The following SALL3 variants were observed in gnomAD, a reference collection of about 807,000 sequenced individuals.
The protein encoded by SALL3 is spalt like transcription factor 3.
In SALL3, 25 loss-of-function variants were observed where a neutral mutation model predicts 66.2. The observed-to-expected ratio is 0.38, with a 90% CI of 0.28 to 0.53. The LOEUF (loss-of-function observed/expected upper bound fraction) is 0.53, where lower values mean the gene tolerates loss of function less well. SALL3 is among the 20% of genes least tolerant of loss of function. SALL3 has a pLI of 0.85. For synonymous variants in SALL3, 1,152 were observed against 899.1 expected (o/e 1.28, Z -5.03); for missense variants, 2,194 against 1,916.5 (o/e 1.14, Z -2.70).
Position 78,992,853 on chromosome 18 carries a change from G to T in SALL3, c.862G>T (p.Gly288Cys). The stretch of plus-strand genomic sequence containing the variant: ...CCCCGCCGCCCCGGCCGCCTTCGAG[G>T]GCGCGCAGCCGCTGTCCCGGCCCGA... Reference protein sequence around the residue: ...SGPAAPAAFEGAQPLSRPESG... With the variant: ...SGPAAPAAFECAQPLSRPESG... Residue 288 changes from glycine (G) to cysteine (C), a missense_variant, in exon 2 of 3, where the codon GGC (glycine) becomes TGC (cysteine). Coordinates refer to ENST00000537592, the MANE Select transcript of SALL3 (RefSeq NM_171999.4). 1 of 981,698 alleles carries T rather than the reference G, an allele frequency of 1.0e-6. No homozygotes were observed. Among genetic ancestry groups the T allele is most frequent in the South Asian group, 4.5e-5 (1 of 22,102 alleles). The allele number at this position is 981,698 out of a possible 1,614,324, so 60.8% of individuals were successfully genotyped here. A position where few individuals can be genotyped will look rare whatever the true frequency, so the allele number is the denominator to read the frequency against.
rs768728542 is a variant in SALL3, at chr18:78,994,151, C to T, written c.2160C>T (p.Gly720=). ...KICGRAFTTK[G]NLKTHFGVHR... The stretch of plus-strand genomic sequence containing the variant: ...GCGGCCGCGCCTTCACCACCAAGGG[C>T]AACCTCAAGACGCACTTCGGCGTGC... The change falls in exon 2 of 3, where the codon GGC becomes GGT. Residue 720 remains glycine, a synonymous_variant. Coordinates refer to ENST00000537592, the MANE Select transcript of SALL3 (RefSeq NM_171999.4). 7.3e-5 allele frequency: 118 copies of T among 1,612,968 alleles called. No homozygotes were observed. Among genetic ancestry groups the T allele is most frequent in the Non-Finnish European group, 9.6e-5 (113 of 1,180,000 alleles).
rs767365502 is a variant in SALL3 at position 78,994,172 on chromosome 18, C to T, written c.2181C>T (p.Gly727=). The T allele has an allele frequency of 5.6e-6, 9 of 1,613,092 alleles. No individual in the cohort carries two copies. The Admixed American group carries it at 1.3e-4, about 24-fold the overall frequency. ...AGGGCAACCTCAAGACGCACTTCGG[C>T]GTGCACCGTGCAAAGCCGCCCCTGC... ...TTKGNLKTHF[G]VHRAKPPLRV... Residue 727 remains glycine (G), a synonymous_variant, in exon 2 of 3, where the codon GGC becomes GGT. Coordinates refer to ENST00000537592, the MANE Select transcript of SALL3 (RefSeq NM_171999.4).
chr18:78,985,285 T>C (rs1278176094), intron 1 of SALL3, among the ~76,000 whole-genome samples: 1 of 152,228 alleles, frequency 6.6e-6, no homozygotes. Flanking sequence ...GCTGCACGGC[T>C]TCTCAGACGC....
chr18:78,995,534 G>T, intron 2 of SALL3, 72 bp downstream of exon 2: 2 of 1,482,876 alleles, frequency 1.3e-6, no homozygotes, highest in Non-Finnish European at 1.8e-6. Context: ...ATCACCTGCC[G>T]CAGACACAGC....
At position 78,980,073 on chromosome 18, in the gene SALL3, T is replaced by C. The variant is rs1210069066; in HGVS notation, c.-202T>C. 2.1e-5 allele frequency among the ~76,000 whole-genome samples: 3 copies of C among 145,540 alleles called. No individual in the cohort carries two copies. The highest frequency in any genetic ancestry group is 3.0e-5 in the Non-Finnish European group (2 of 65,578). On this transcript the variant is annotated 5_prime_UTR_variant, in exon 1 of 3. Transcript: ENST00000537592. ...ATTTGCATAGGCCGCCGGAGTCCGC[T>C]GGAGCCCGGCCAATCGGCGCGGCCC...
At chr18:78,986,029 A>C (rs992900793) in intron 1 of SALL3, among the ~76,000 whole-genome samples, 2 of 152,232 alleles carry the variant, frequency 1.3e-5, no homozygotes, top group Admixed American at 6.5e-5. Flanking sequence ...CGCGTTCCTT[A>C]TAAGTGTGAT....
Position 78,982,270 on chromosome 18 carries a change from G to T in SALL3, c.82+1914G>T, listed in dbSNP as rs143838177. 8.5e-3 allele frequency among the ~76,000 whole-genome samples: 1,299 copies of T among 152,288 alleles called. 17 individuals are homozygous for T. Among genetic ancestry groups the T allele is most frequent in the Middle Eastern group, 0.02 (6 of 294 alleles). On this transcript the variant is annotated intron_variant, in intron 1 of 2. Coordinates refer to ENST00000537592, the MANE Select transcript of SALL3 (RefSeq NM_171999.4). ...CTTTGAATCCCTCTTGTTGCTGCTC[G>T]AATTTATTTAGAGATGCAAAATATT...
At position 78,994,880 on chromosome 18, in the gene SALL3, C is replaced by T. The variant is rs1008761982; in HGVS notation, c.2889C>T (p.Ser963=). The T allele has an allele frequency of 8.7e-6, 14 of 1,609,908 alleles. No individual in the cohort carries two copies. Among genetic ancestry groups the T allele is most frequent in the Non-Finnish European group, 1.2e-5 (14 of 1,178,448 alleles). Reference sequence around the variant, plus strand: ...GCATCAAGGAGGAGGCGCCCTTCAGCCTGCTGTTCCTGAGCAGGGAGCGGG... The same window carrying T: ...GCATCAAGGAGGAGGCGCCCTTCAGTCTGCTGTTCCTGAGCAGGGAGCGGG... ...RAGIKEEAPF[S]LLFLSRERGK... The change falls in exon 2 of 3, where the codon AGC becomes AGT. Residue 963 remains serine, a synonymous_variant. Coordinates refer to ENST00000537592, the MANE Select transcript of SALL3 (RefSeq NM_171999.4).
Position 78,993,960 on chromosome 18 carries a change from C to G in SALL3, c.1969C>G (p.Gln657Glu), listed in dbSNP as rs1914579030. The G allele has an allele frequency of 1.2e-6, 2 of 1,611,350 alleles. No homozygotes were observed. Among genetic ancestry groups the G allele is most frequent in the African/African-American group, 1.3e-5 (1 of 74,914 alleles). The change falls in exon 2 of 3, where the codon CAA (glutamine) becomes GAA (glutamate). Residue 657 changes from glutamine (Q) to glutamate (E), a missense_variant. Gln to Glu is a conservative substitution (Grantham distance 29). Transcript: ENST00000537592. ...FPFGGLLDSM[Q>E]TSETSKLQQL... is the part of the protein sequence containing the mutation. ...GTTCGGGGGGCTGCTAGACTCGATG[C>G]AAACGTCGGAAACCTCGAAGCTGCA... is the stretch of plus-strand genomic sequence containing the variant.
Position 78,995,383 on chromosome 18 carries a change from A to G in SALL3, c.3392A>G (p.His1131Arg). The G allele has an allele frequency of 1.3e-6, 2 of 1,585,886 alleles. No individual in the cohort carries two copies. The highest frequency in any genetic ancestry group is 1.7e-6 in the Non-Finnish European group (2 of 1,174,098). ...TFSSASALQI[H>R]ERTHTGEKPF... is the part of the protein sequence containing the mutation. ...TCCTCGGCCAGCGCCCTGCAGATCC[A>G]TGAGCGCACGCACACCGGCGAGAAG... The change falls in exon 2 of 3, where the codon CAT becomes CGT. Residue 1131 changes from histidine to arginine, a missense_variant. Physicochemically the swap from His to Arg is conservative, Grantham distance 29. Coordinates refer to ENST00000537592, the MANE Select transcript of SALL3 (RefSeq NM_171999.4).
In SALL3 at chr18:78,993,120, C is replaced by G; in HGVS notation, c.1129C>G (p.Leu377Val). Reference sequence around the variant, plus strand: ...CAGCGGCGTCATCTTCCCCAACCCGCTGGTCAGCATCGCGGCCACGGCCAA... The same window carrying G: ...CAGCGGCGTCATCTTCCCCAACCCGGTGGTCAGCATCGCGGCCACGGCCAA... ...SASGVIFPNPLVSIAATANAL... is the reference protein window; with the variant it reads ...SASGVIFPNPVVSIAATANAL... The change falls in exon 2 of 3, where the codon CTG becomes GTG. Residue 377 changes from leucine to valine, a missense_variant. Leu to Val is a conservative substitution (Grantham distance 32). Transcript: ENST00000537592. The G allele has an allele frequency of 1.4e-5, 23 of 1,605,336 alleles. No homozygotes were observed. The highest frequency in any genetic ancestry group is 1.9e-5 in the Non-Finnish European group (22 of 1,177,820).
rs1261868803 is a variant in SALL3 at position 78,992,849 on chromosome 18, C to T, written c.858C>T (p.Phe286=). ...CGGGCCCCGCCGCCCCGGCCGCCTT[C>T]GAGGGCGCGCAGCCGCTGTCCCGGC... is the stretch of plus-strand genomic sequence containing the variant. ...AGSGPAAPAA[F]EGAQPLSRPE... The change falls in exon 2 of 3, where the codon TTC becomes TTT. Residue 286 remains phenylalanine, a synonymous_variant. Coordinates refer to ENST00000537592, the MANE Select transcript of SALL3 (RefSeq NM_171999.4). 4.1e-6 allele frequency: 4 copies of T among 981,228 alleles called. No homozygotes were observed. Among genetic ancestry groups the T allele is most frequent in the Admixed American group, 6.3e-5 (1 of 15,774 alleles). The allele number at this position is 981,228 out of a possible 1,614,324, so 60.8% of individuals were successfully genotyped here.
In SALL3 at chr18:78,992,300, C is replaced by T. The variant is rs757609029; in HGVS notation, c.309C>T (p.Pro103=). 1.3e-5 allele frequency: 20 copies of T among 1,523,456 alleles called. No individual in the cohort carries two copies. Among genetic ancestry groups the T allele is most frequent in the Non-Finnish European group, 1.7e-5 (19 of 1,144,758 alleles). The allele number at this position is 1,523,456 out of a possible 1,614,324, so 94.4% of individuals were successfully genotyped here. The change falls in exon 2 of 3, where the codon CCC becomes CCT. Residue 103 remains proline (P), a synonymous_variant. Coordinates refer to ENST00000537592, the MANE Select transcript of SALL3 (RefSeq NM_171999.4). Reference sequence around the variant, plus strand: ...CCGAGCCTTCGCCCGCCAGCTCCCCCAGCGAGCGCGCCGAAAGCGAGGCGG... The same window carrying T: ...CCGAGCCTTCGCCCGCCAGCTCCCCTAGCGAGCGCGCCGAAAGCGAGGCGG... The part of the protein sequence containing the change: ...DFPEPSPASS[P]SERAESEAAE...
rs955333400 is a variant in SALL3, at chr18:78,987,052, T to A, written c.83-5022T>A. Reference sequence around the variant, plus strand: ...AATATTATTCTAAGTAAACTTATTTTTAAAAAAAAAACCTGTTTTAGGTTT... The same window carrying A: ...AATATTATTCTAAGTAAACTTATTTATAAAAAAAAAACCTGTTTTAGGTTT... On this transcript the variant is annotated intron_variant, in intron 1 of 2. Coordinates refer to ENST00000537592, the MANE Select transcript of SALL3 (RefSeq NM_171999.4). Among the ~76,000 whole-genome samples the A allele has an allele frequency of 6.7e-4, 101 of 151,102 alleles. 1 individual carries two copies. The highest frequency in any genetic ancestry group is 8.2e-4 in the African/African-American group (34 of 41,350).
chr18:78,992,792 G>A lies in SALL3; in HGVS notation c.801G>A (p.Ser267=). Residue 267 remains serine, a synonymous_variant, in exon 2 of 3, where the codon TCG becomes TCA. Transcript: ENST00000537592. ...QLPGLAALPL[S]AGAPAAAIAG... Reference sequence around the variant, plus strand: ...CCGGGCTGGCCGCGCTCCCGCTGTCGGCCGGGGCCCCTGCCGCCGCCATCG... The same window carrying A: ...CCGGGCTGGCCGCGCTCCCGCTGTCAGCCGGGGCCCCTGCCGCCGCCATCG... The A allele has an allele frequency of 1.0e-6, 1 of 985,826 alleles. No individual in the cohort carries two copies. Among genetic ancestry groups the A allele is most frequent in the South Asian group, 4.6e-5 (1 of 21,732 alleles). 61.1% of individuals were successfully genotyped at this position (985,826 alleles called of 1,614,324 possible).
rs555966389 is a variant in SALL3 at position 78,990,997 on chromosome 18, CG to C, written c.83-1075del. The stretch of plus-strand genomic sequence containing the variant: ...CTCGGCACAAGAGGGTAAGGGGAGA[CG>C]GAGGAAGTGGCTGCCTACAACAGTA... On this transcript the variant is annotated intron_variant, in intron 1 of 2. Transcript: ENST00000537592. 2.9e-3 allele frequency among the ~76,000 whole-genome samples: 437 copies of C among 152,092 alleles called. 3 individuals carry two copies. The highest frequency in any genetic ancestry group is 3.5e-3 in the Non-Finnish European group (237 of 68,010).
Position 78,992,880 on chromosome 18 carries a change from T to C in SALL3, c.889T>C (p.Ser297Pro). ...EGAQPLSRPE[S>P]GASTPGGPAE... ...CGCGCAGCCGCTGTCCCGGCCCGAGTCTGGCGCCAGCACCCCCGGCGGCCC... is the reference window on the plus strand; with the variant it reads ...CGCGCAGCCGCTGTCCCGGCCCGAGCCTGGCGCCAGCACCCCCGGCGGCCC... Residue 297 changes from serine to proline, a missense_variant, in exon 2 of 3, where the codon TCT (serine) becomes CCT (proline). Ser to Pro is a moderately conservative substitution (Grantham distance 74). Transcript: ENST00000537592. 1 of 984,944 alleles carries C rather than the reference T, an allele frequency of 1.0e-6. No homozygotes were observed. Among genetic ancestry groups the C allele is most frequent in the Non-Finnish European group, 1.2e-6 (1 of 831,690 alleles). 61.0% of individuals were successfully genotyped at this position (984,944 alleles called of 1,614,324 possible).
chr18:78,995,521 T>TC, intron 2 of SALL3, 59 bp downstream of exon 2: 1 of 1,492,792 alleles, frequency 6.7e-7, no homozygotes, highest in Admixed American at 2.3e-5. Flanking sequence ...GGTGGCTTTC[T>TC]CCATCACCTG....
rs1273365744 is a variant in SALL3 at position 78,997,212 on chromosome 18, A to G, written c.3793A>G (p.Thr1265Ala). 4 of 1,613,992 alleles carry G rather than the reference A, an allele frequency of 2.5e-6. No individual in the cohort carries two copies. The highest frequency in any genetic ancestry group is 1.1e-5 in the South Asian group (1 of 91,082). The change falls in exon 3 of 3, where the codon ACT (threonine) becomes GCT (alanine). Residue 1265 changes from threonine (T) to alanine (A), a missense_variant. By Grantham distance (58) the Thr-to-Ala change is moderately conservative. Transcript: ENST00000537592. ...SMASGMDKAR[T>A]GSSPPIVSLD... is the part of the protein sequence containing the mutation. Reference sequence around the variant, plus strand: ...GGCCAGTGGGATGGACAAAGCACGCACTGGCAGTAGCCCACCCATCGTCAG... The same window carrying G: ...GGCCAGTGGGATGGACAAAGCACGCGCTGGCAGTAGCCCACCCATCGTCAG...
Sources: allele counts gnomAD v4.1 joint callset (sites outside exome capture counted in the v4.1 genomes callset), GRCh38; gene constraint gnomAD v4.1.1; transcripts MANE v1.5; gene names NCBI Gene and HGNC (gene_info 2026-07-23, HGNC 2026-07-21).